Variants in HCRTR2 observed in about 807,000 individuals in gnomAD.
HCRTR2 encodes hypocretin receptor 2.
Under a neutral mutation model 49.0 loss-of-function variants are expected in HCRTR2, and 22 were observed. That is an observed-to-expected ratio of 0.45 (90% CI 0.32 to 0.64). HCRTR2 has a LOEUF of 0.64. Ranked by LOEUF, HCRTR2 falls within the 30% of genes least tolerant of loss-of-function variation. The probability of loss-of-function intolerance (pLI) is 0.04; values close to 1 mark genes in which losing one functional copy is unlikely to be tolerated. For synonymous variants in HCRTR2, 236 were observed against 205.3 expected (o/e 1.15, Z -1.28); for missense variants, 491 against 559.4 (o/e 0.88, Z 1.23).
chr6:55,214,599 C>G (rs1293517185), intron 1 of HCRTR2, among the ~76,000 whole-genome samples: 1 of 151,842 alleles, frequency 6.6e-6, no homozygotes, highest in African/African-American at 2.4e-5. Context: ...ACTCAGCCTC[C>G]CAAATCATTG....
intron 1 of HCRTR2, among the ~76,000 whole-genome samples, chr6:55,110,823 T>C (rs1036915600): frequency 1.4e-5 from 2 of 147,536 alleles, no homozygotes; most frequent in Admixed American, 7.0e-5. Context: ...GTCATAAAGA[T>C]GGAAAGTCAA....
intron 1 of HCRTR2, among the ~76,000 whole-genome samples, chr6:55,161,641 TA>T (rs986249774): frequency 5.3e-5 from 8 of 151,938 alleles, no homozygotes; most frequent in Non-Finnish European, 7.4e-5. Flanking sequence ...TAAAAAATGA[TA>T]AAGGGGAGAT....
At chr6:55,136,913 T>C (rs578073450) in intron 1 of HCRTR2, among the ~76,000 whole-genome samples, 1 of 152,154 alleles carries the variant, frequency 6.6e-6, no homozygotes, top group Admixed American at 6.6e-5. Flanking sequence ...ACTTGATGTG[T>C]CCTCAGTTGC....
intron 1 of HCRTR2, among the ~76,000 whole-genome samples, chr6:55,127,382 T>G (rs1172490779): frequency 6.6e-6 from 1 of 152,052 alleles, no homozygotes; most frequent in Non-Finnish European, 1.5e-5. Context: ...CTGCTTCAGC[T>G]TGCCCTCCAA....
At chr6:55,278,727 A>AATTATTATTATTATTATT (rs201178077) in intron 5 of HCRTR2, among the ~76,000 whole-genome samples, 3 of 144,690 alleles carry the variant, frequency 2.1e-5, no homozygotes, top group East Asian at 2.1e-4. Context: ...GCTTCTTATT[A>AATTATTATTATTATTATT]ATTATTATTA....
chr6:55,255,070 A>C, intron 2 of HCRTR2, 66 bp from the exon 3 acceptor site: 1 of 1,560,676 alleles, frequency 6.4e-7, no homozygotes, highest in Admixed American at 1.8e-5. Flanking sequence ...CATATAGTAA[A>C]TATATTAAGA....
intron 1 of HCRTR2, among the ~76,000 whole-genome samples, chr6:55,151,499 A>G (rs959761773): frequency 1.3e-5 from 2 of 152,000 alleles, no homozygotes; most frequent in Non-Finnish European, 2.9e-5. Flanking sequence ...GTAGTAATTC[A>G]GTCACATCTT....
At chr6:55,158,821 C>G (rs969600369) in intron 1 of HCRTR2, among the ~76,000 whole-genome samples, 2 of 152,220 alleles carry the variant, frequency 1.3e-5, no homozygotes, top group African/African-American at 4.8e-5. Flanking sequence ...GCTTATAGAT[C>G]AAACTCCCAT....
chr6:55,155,519 C>T (rs1320329830), intron 1 of HCRTR2, among the ~76,000 whole-genome samples: 1 of 151,936 alleles, frequency 6.6e-6, no homozygotes, highest in Non-Finnish European at 1.5e-5. Context: ...GATAATTTTG[C>T]TGTTGTCTTT....
At chr6:55,189,473 C>T (rs1206927881) in intron 1 of HCRTR2, among the ~76,000 whole-genome samples, 3 of 152,182 alleles carry the variant, frequency 2.0e-5, no homozygotes, top group African/African-American at 7.2e-5. Context: ...AGAAAAGAAC[C>T]TGCTGATTAA....
At chr6:55,188,775 G>T (rs1364809248) in intron 1 of HCRTR2, among the ~76,000 whole-genome samples, 1 of 152,132 alleles carries the variant, frequency 6.6e-6, no homozygotes, top group East Asian at 1.9e-4. Context: ...ATAGTATGAG[G>T]ATTACTGAAG....
upstream of HCRTR2, chr6:55,174,252 G>T (rs1160973442): frequency 2.8e-6 from 1 of 352,028 alleles, no homozygotes; most frequent in Non-Finnish European, 5.4e-6. Context: ...GTGGGCTGCG[G>T]ACTGAGTGCT....
chr6:55,159,564 C>G (rs1334405483), intron 1 of HCRTR2, among the ~76,000 whole-genome samples: 2 of 152,054 alleles, frequency 1.3e-5, no homozygotes, highest in Admixed American at 6.5e-5. Flanking sequence ...TGTTCTAACC[C>G]AATGCAAGGA....
intron 1 of HCRTR2, among the ~76,000 whole-genome samples, chr6:55,138,621 T>C (rs1764463302): frequency 6.6e-6 from 1 of 152,208 alleles, no homozygotes. Flanking sequence ...TAAAATCCAG[T>C]CCTCACCTTT....
chr6:55,174,725 A>G lies in HCRTR2; in HGVS notation c.138A>G (p.Glu46=). 6.2e-7 allele frequency: 1 copy of G among 1,614,096 alleles called. No homozygotes were observed. The highest frequency in any genetic ancestry group is 8.5e-7 in the Non-Finnish European group (1 of 1,179,996). Residue 46 remains glutamate, a synonymous_variant, in exon 1 of 7, where the codon GAA becomes GAG. Transcript: ENST00000370862. ...AATTCCTGCGGTACCTGTGGAGGGAATACCTGCACCCGAAAGAATATGAGT... is the reference window on the plus strand; with the variant it reads ...AATTCCTGCGGTACCTGTGGAGGGAGTACCTGCACCCGAAAGAATATGAGT... The part of the protein sequence containing the change: ...DEEFLRYLWR[E]YLHPKEYEWV...
At position 55,149,873 on chromosome 6, in the gene HCRTR2, A is replaced by C. The variant is rs141559743; in HGVS notation, c.-377-24338A>C. On this transcript the variant is annotated intron_variant, in intron 1 of 7. Transcript: ENST00000615358. ...GAACTTCTGACTGGAAATCATTTAG[A>C]ATGTTTGATAAAGCTAAATCACTTT... Among the ~76,000 whole-genome samples, 270 of 152,142 alleles carry C rather than the reference A, an allele frequency of 1.8e-3. 1 individual carries two copies. The highest frequency in any genetic ancestry group is 6.1e-3 in the African/African-American group (252 of 41,550).
At chr6:55,123,332 T>A (rs182849011) in intron 1 of HCRTR2, among the ~76,000 whole-genome samples, 81 of 152,142 alleles carry the variant, frequency 5.3e-4, no homozygotes, top group Admixed American at 1.1e-3. Flanking sequence ...GTTTTTAGTA[T>A]GAAAGGGTGT....
At chr6:55,268,957 G>A (rs1334714292) in intron 4 of HCRTR2, among the ~76,000 whole-genome samples, 3 of 151,732 alleles carry the variant, frequency 2.0e-5, no homozygotes, top group Non-Finnish European at 4.4e-5. Context: ...GGGTGAGGTG[G>A]GGGGCACCTG....
chr6:55,263,717 T>C lies in HCRTR2; in HGVS notation c.657T>C (p.Tyr219=). 6.2e-7 allele frequency: 1 copy of C among 1,600,242 alleles called. No individual in the cohort carries two copies. Among genetic ancestry groups the C allele is most frequent in the Non-Finnish European group, 8.6e-7 (1 of 1,168,222 alleles). ...TGACTTTCATCCTAGGTGAAATTTA[T>C]CCCAAGATGTACCACATCTGTTTCT... ...VCDERWGGEI[Y]PKMYHICFFL... is the part of the protein sequence containing the mutation. Residue 219 remains tyrosine, a synonymous_variant, in exon 4 of 7, where the codon TAT becomes TAC. Transcript: ENST00000370862.
Sources: gnomAD v4.1 joint callset for allele counts (sites outside exome capture counted in the v4.1 genomes callset) on GRCh38, gnomAD v4.1.1 for gene constraint, MANE v1.5 for transcripts, NCBI Gene and HGNC (gene_info 2026-07-23, HGNC 2026-07-21) for gene names.